ZNF684: variants seen among roughly 807,000 people sequenced by gnomAD.
ZNF684 encodes the protein hypothetical protein MGC27466.
A neutral mutation model predicts 12.8 loss-of-function variants in ZNF684; 13 were observed. The ratio of observed to expected loss-of-function variants is 1.02; its 90% CI spans 0.66 to 1.62. The LOEUF (loss-of-function observed/expected upper bound fraction) is 1.62. Ranked by LOEUF, ZNF684 falls within the 40% of genes most tolerant of loss-of-function variation. ZNF684 has a pLI of 0.00. For synonymous variants in ZNF684, 118 were observed against 151.8 expected, an observed-to-expected ratio of 0.78 and a Z score of 1.64; for missense variants, 384 against 446.9, an observed-to-expected ratio of 0.86 and a Z score of 1.27.
Position 40,546,750 on chromosome 1 carries a change from A to C in ZNF684, c.427A>C (p.Asn143His). 2 of 1,613,762 alleles carry C rather than the reference A, an allele frequency of 1.2e-6. No homozygotes were observed. The highest frequency in any genetic ancestry group is 1.7e-6 in the Non-Finnish European group (2 of 1,179,886). The change falls in exon 5 of 5, where the codon AAT becomes CAT. Residue 143 changes from asparagine to histidine, a missense_variant. Coordinates refer to ENST00000372699, the MANE Select transcript of ZNF684 (RefSeq NM_152373.4). ...YKSFEKCLPP[N>H]LDLLKYNRSY... ...ATCGTTTGAGAAGTGTTTGCCACCTAATTTAGACTTACTTAAATATAATAG... is the reference window on the plus strand; with the variant it reads ...ATCGTTTGAGAAGTGTTTGCCACCTCATTTAGACTTACTTAAATATAATAG...
intron 1 of ZNF684, among the ~76,000 whole-genome samples, chr1:40,532,656 T>TA (rs1337624532): frequency 2.6e-5 from 4 of 151,004 alleles, no homozygotes; most frequent in East Asian, 2.0e-4. Context: ...AAAAAAAAAA[T>TA]AAAAAAAAGT....
chr1:40,534,762 G>T (rs1295714476), intron 2 of ZNF684, among the ~76,000 whole-genome samples: 5 of 151,744 alleles, frequency 3.3e-5, no homozygotes, highest in Non-Finnish European at 5.9e-5. Flanking sequence ...GGAGGCTAAG[G>T]TGGGAGGATT....
intron 4 of ZNF684, among the ~76,000 whole-genome samples, chr1:40,542,684 T>G (rs1202648692): frequency 6.6e-6 from 1 of 152,188 alleles, no homozygotes; most frequent in Non-Finnish European, 1.5e-5. Flanking sequence ...GGTAACTAAT[T>G]TTTTTATTTC....
rs55993619 is a variant in ZNF684 at position 40,545,915 on chromosome 1, C to CTTTTTTTT, written c.239-629_239-622dup. ...AATCCCTTTGCCTTTGTCTCCTTTT[C>CTTTTTTTT]TTTTTTTTTTTTTTTTTTTTTTTTT... On this transcript the variant is annotated intron_variant, in intron 4 of 4. Coordinates refer to ENST00000372699, the MANE Select transcript of ZNF684 (RefSeq NM_152373.4). Among the ~76,000 whole-genome samples the CTTTTTTTT allele has an allele frequency of 4.3e-4, 29 of 67,886 alleles. 1 individual carries two copies. Among genetic ancestry groups the CTTTTTTTT allele is most frequent in the Non-Finnish European group, 5.1e-4 (19 of 37,292 alleles). 44.5% of individuals were successfully genotyped at this position (67,886 alleles called of 152,430 possible).
chr1:40,544,378 T>G (rs188034156), intron 4 of ZNF684: 1 of 427,240 alleles, frequency 2.3e-6, no homozygotes, highest in Non-Finnish European at 4.7e-6. Context: ...TGTTGTTTGT[T>G]TGTCTTTTTT....
rs750498536 is a variant in ZNF684 at position 40,547,059 on chromosome 1, A to G, written c.736A>G (p.Ser246Gly). The change falls in exon 5 of 5, where the codon AGT becomes GGT. Residue 246 changes from serine (S) to glycine (G), a missense_variant. Coordinates refer to ENST00000372699, the MANE Select transcript of ZNF684 (RefSeq NM_152373.4). ...CACTGGAGAGAAGCCTTATGAGTGC[A>G]GTCAATGTGGGAAAACATTCACTTG... ...LHTGEKPYEC[S>G]QCGKTFTWNS... The G allele has an allele frequency of 1.2e-6, 2 of 1,614,230 alleles. No homozygotes were observed. The highest frequency in any genetic ancestry group is 1.7e-6 in the Non-Finnish European group (2 of 1,180,042).
intron 2 of ZNF684, among the ~76,000 whole-genome samples, chr1:40,538,687 G>A (rs1054419970): frequency 6.6e-6 from 1 of 151,702 alleles, no homozygotes. Flanking sequence ...GTAGAACCCC[G>A]TTTCTACTAA....
Position 40,547,123 on chromosome 1 carries a change from T to C in ZNF684, c.800T>C (p.Leu267Pro), listed in dbSNP as rs1249829181. 3 of 1,614,056 alleles carry C rather than the reference T, an allele frequency of 1.9e-6. No homozygotes were observed. In the African/African-American group the frequency reaches 4.0e-5, roughly 22 times the overall value. Reference sequence around the variant, plus strand: ...AATCAACACGTGAAATCTCATACACTTGAGAAGTCATTTGAATGTAAGGAA... The same window carrying C: ...AATCAACACGTGAAATCTCATACACCTGAGAAGTCATTTGAATGTAAGGAA... The part of the protein sequence containing the change: ...SFNQHVKSHT[L>P]EKSFECKECG... Residue 267 changes from leucine to proline, a missense_variant, in exon 5 of 5, where the codon CTT (leucine) becomes CCT (proline). By Grantham distance (98) the Leu-to-Pro change is moderately conservative. Coordinates refer to ENST00000372699, the MANE Select transcript of ZNF684 (RefSeq NM_152373.4).
chr1:40,540,295 A>G (rs1220428805), intron 2 of ZNF684, among the ~76,000 whole-genome samples: 3 of 152,146 alleles, frequency 2.0e-5, no homozygotes, highest in African/African-American at 7.2e-5. Flanking sequence ...TGTAAAATGG[A>G]TGGGGAGTTC....
chr1:40,544,885 G>T (rs1467914177), intron 4 of ZNF684: 1 of 152,186 alleles, frequency 6.6e-6, no homozygotes, highest in African/African-American at 2.4e-5. Flanking sequence ...TTCTAGATAG[G>T]ACGAGAGGAG....
chr1:40,541,763 C>A, intron 4 of ZNF684, 53 bp downstream of exon 4: 1 of 1,426,094 alleles, frequency 7.0e-7, no homozygotes, highest in South Asian at 1.2e-5. Flanking sequence ...CCCCATTGGT[C>A]AGTGAGGGAC....
In ZNF684 at chr1:40,540,582, A is replaced by T. The variant is rs1366641448; in HGVS notation, c.16-4A>T. On this transcript the variant is annotated splice_polypyrimidine_tract_variant and splice_region_variant and intron_variant, in intron 2 of 4. Transcript: ENST00000372699. ...TTAGTTTGAAGATAAATGTGCTGTT[A>T]CAGGAATCAGTGACATTCCAGGATG... The T allele has an allele frequency of 1.6e-5, 25 of 1,592,790 alleles. No individual in the cohort carries two copies. Among genetic ancestry groups the T allele is most frequent in the Non-Finnish European group, 2.1e-5 (24 of 1,170,682 alleles).
At chr1:40,541,908 T>C (rs1329961859) in intron 4 of ZNF684, among the ~76,000 whole-genome samples, 198 bp downstream of exon 4, 1 of 152,220 alleles carries the variant, frequency 6.6e-6, no homozygotes. Flanking sequence ...GCTCAGCTGT[T>C]GTATGGAGGG....
At chr1:40,544,105 G>A (rs867083859) in intron 4 of ZNF684, among the ~76,000 whole-genome samples, 1 of 151,628 alleles carries the variant, frequency 6.6e-6, no homozygotes. Context: ...GACATTGTGG[G>A]GGATGTTTCT....
rs569254628 is a variant in ZNF684 at position 40,543,543 on chromosome 1, G to A, written c.238+1833G>A. Among the ~76,000 whole-genome samples the A allele has an allele frequency of 2.0e-5, 3 of 148,954 alleles. No homozygotes were observed. The East Asian group carries it at 6.1e-4, about 30-fold the overall frequency. ...GAGATCTGGGCTCACTGCAAGCTCC[G>A]CCTCCCGGGTTCACGCCATTCTCCT... On this transcript the variant is annotated intron_variant, in intron 4 of 4. Transcript: ENST00000372699.
intron 4 of ZNF684, among the ~76,000 whole-genome samples, chr1:40,542,239 G>C (rs796182781): frequency 2.6e-4 from 39 of 152,276 alleles, no homozygotes; most frequent in African/African-American, 9.1e-4. Context: ...ATAGTTGGCA[G>C]ATAGTAAATG....
intron 3 of ZNF684, among the ~76,000 whole-genome samples, chr1:40,541,135 G>T (rs1646012271): frequency 6.6e-6 from 1 of 151,068 alleles, no homozygotes; most frequent in Admixed American, 6.6e-5. Context: ...TCCCCTCTGA[G>T]CTTCACGTAG....
intron 4 of ZNF684, among the ~76,000 whole-genome samples, chr1:40,545,915 C>CTTTTTTT (rs55993619): frequency 1.8e-3 from 122 of 67,892 alleles, no homozygotes; most frequent in Non-Finnish European, 2.3e-3. Context: ...GTCTCCTTTT[C>CTTTTTTT]TTTTTTTTTT....
chr1:40,535,635 C>T (rs2124506977), intron 2 of ZNF684, among the ~76,000 whole-genome samples: 1 of 151,362 alleles, frequency 6.6e-6, no homozygotes, highest in South Asian at 2.1e-4. Context: ...GGATTTTTAA[C>T]TTGCAAAGAT....
Sources: allele counts gnomAD v4.1 joint callset (sites outside exome capture counted in the v4.1 genomes callset), GRCh38; gene constraint gnomAD v4.1.1; transcripts MANE v1.5; gene names NCBI Gene and HGNC (gene_info 2026-07-23, HGNC 2026-07-21).